Variants in VAC14 observed in about 807,000 individuals in gnomAD.
VAC14 encodes VAC14 component of PIKFYVE complex, also known as protein VAC14 homolog.
A neutral mutation model predicts 85.3 loss-of-function variants in VAC14; 47 were observed. That is an observed-to-expected ratio of 0.55 (90% CI 0.44 to 0.70). The LOEUF is 0.70. Ranked by LOEUF, VAC14 falls within the 30% of genes least tolerant of loss-of-function variation. The pLI, the probability that VAC14 is intolerant of heterozygous loss-of-function variation, is 0.00. For missense variants in VAC14, 861 were observed against 1,004.3 expected (o/e 0.86, Z 1.93); for synonymous variants, 447 against 430.5 (o/e 1.04, Z -0.47).
intron 14 of VAC14, among the ~76,000 whole-genome samples, chr16:70,704,740 C>T (rs1261387283): frequency 3.3e-5 from 5 of 152,202 alleles, no homozygotes; most frequent in Non-Finnish European, 7.4e-5. Flanking sequence ...GGAGCCCGCT[C>T]GGGAGGAGCT....
In VAC14 at chr16:70,763,020, T is replaced by C; in HGVS notation, c.1166A>G (p.Glu389Gly). The stretch of plus-strand genomic sequence containing the variant: ...GAGGTGAAGGGTCACTGGGGCTCTT[T>C]CAGTGCTGTGGGTAAGATCGGGAGG... ...GISVFTAAST[E>G]RAPVTLHLDG... Residue 389 changes from glutamate (E) to glycine (G), a missense_variant, in exon 11 of 19, where the codon GAA (glutamate) becomes GGA (glycine). This residue lies in a region of VAC14 where 629 missense variants were observed against 703.1 expected (regional missense o/e 0.89). Transcript: ENST00000261776. 1 of 1,614,228 alleles carries C rather than the reference T, an allele frequency of 6.2e-7. No individual in the cohort carries two copies. The highest frequency in any genetic ancestry group is 8.5e-7 in the Non-Finnish European group (1 of 1,180,038).
intron 12 of VAC14, among the ~76,000 whole-genome samples, chr16:70,752,694 C>T (rs369669866): frequency 1.3e-5 from 2 of 152,222 alleles, no homozygotes; most frequent in Non-Finnish European, 2.9e-5. Context: ...GCACAGTCCC[C>T]GAGCGAAGGA....
At chr16:70,800,649 T>G (rs139216086) in intron 1 of VAC14, 148 bp downstream of exon 1, 2 of 634,130 alleles carry the variant, frequency 3.2e-6, no homozygotes, top group Non-Finnish European at 5.3e-6. Context: ...CTCCCAGATA[T>G]GGCTCCCAAT....
intron 12 of VAC14, among the ~76,000 whole-genome samples, chr16:70,746,346 C>G (rs1316283976): frequency 1.3e-5 from 2 of 152,252 alleles, no homozygotes; most frequent in Non-Finnish European, 1.5e-5. Flanking sequence ...CAATTCTGTC[C>G]TTCCCTTCAT....
chr16:70,764,006 C>T (rs976342916), intron 10 of VAC14, among the ~76,000 whole-genome samples: 5 of 152,206 alleles, frequency 3.3e-5, no homozygotes, highest in African/African-American at 9.7e-5. Context: ...CCAGGGGTTG[C>T]ATTTTCTAAG....
intron 13 of VAC14, among the ~76,000 whole-genome samples, chr16:70,733,795 A>T (rs1401664019): frequency 6.6e-6 from 1 of 152,086 alleles, no homozygotes; most frequent in African/African-American, 2.4e-5. Flanking sequence ...AAATCTCTTT[A>T]TAAATTACCT....
rs1346021707 is a variant in VAC14 at position 70,783,371 on chromosome 16, C to G, written c.704+74G>C. On this transcript the variant is annotated intron_variant, in intron 6 of 18. Transcript: ENST00000261776. ...TTCCTGCCCTCCTGCCGCGGCCTCT[C>G]TGTGGGCATGAAGCACATGGGCACA... 6.7e-6 allele frequency: 10 copies of G among 1,488,892 alleles called. No individual in the cohort carries two copies. In the Admixed American group the frequency reaches 1.3e-4, roughly 20 times the overall value. The allele number at this position is 1,488,892 out of a possible 1,614,324, so 92.2% of individuals were successfully genotyped here.
chr16:70,778,932 G>C (rs762841294), intron 9 of VAC14: 1 of 152,146 alleles, frequency 6.6e-6, no homozygotes, highest in Non-Finnish European at 1.5e-5. Context: ...GTTTCTCCCA[G>C]TAAAAAAAGC....
chr16:70,787,359 G>GGGTA (rs1293950105), intron 1 of VAC14, among the ~76,000 whole-genome samples: 3 of 152,180 alleles, frequency 2.0e-5, no homozygotes, highest in African/African-American at 7.2e-5. Flanking sequence ...GAGGAGGGTA[G>GGGTA]GGTAGACAGT....
In VAC14 at chr16:70,744,539, G is replaced by A; in HGVS notation, c.1412C>T (p.Ser471Phe). 1 of 1,610,544 alleles carries A rather than the reference G, an allele frequency of 6.2e-7. No individual in the cohort carries two copies. Among genetic ancestry groups the A allele is most frequent in the Non-Finnish European group, 8.5e-7 (1 of 1,178,736 alleles). ...KDLEVLAEIA[S>F]SPAGQTDDPG... ...GTCATCCGTCTGGCCTGCGGGGGAG[G>A]AAGCGATTTCTGCCAGCACCTCCAG... is the stretch of plus-strand genomic sequence containing the variant. The change falls in exon 13 of 19, where the codon TCC becomes TTC. Residue 471 changes from serine (S) to phenylalanine (F), a missense_variant. Around this residue, in one of 3 missense-constraint regions of VAC14, gnomAD observed 629 missense variants for 703.1 expected, o/e 0.89. Coordinates refer to ENST00000261776, the MANE Select transcript of VAC14 (RefSeq NM_018052.5).
At chr16:70,752,578 G>A (rs1274596142) in intron 12 of VAC14, among the ~76,000 whole-genome samples, 1 of 152,252 alleles carries the variant, frequency 6.6e-6, no homozygotes, top group Non-Finnish European at 1.5e-5. Flanking sequence ...ACTCATACCC[G>A]CTATGGCTCT....
At position 70,762,373 on chromosome 16, in the gene VAC14, GC is replaced by G. The variant is rs1393105458; in HGVS notation, c.1371+166del. On this transcript the variant is annotated intron_variant, in intron 12 of 18. Coordinates refer to ENST00000261776, the MANE Select transcript of VAC14 (RefSeq NM_018052.5). The surrounding 1 kb of genome is among the most constrained non-coding windows in gnomAD (Gnocchi z 4.1). ...TCCACCCACCTTGGCCTCCCAGAGT[GC>G]TGGAAAAACAGGTGTGAGCCACTGC... is the stretch of plus-strand genomic sequence containing the variant. Among the ~76,000 whole-genome samples the G allele has an allele frequency of 6.6e-6, 1 of 152,144 alleles. No individual in the cohort carries two copies. The highest frequency in any genetic ancestry group is 1.5e-5 in the Non-Finnish European group (1 of 68,030).
At chr16:70,708,826 G>A (rs2053972202) in intron 14 of VAC14, among the ~76,000 whole-genome samples, 1 of 152,238 alleles carries the variant, frequency 6.6e-6, no homozygotes, top group East Asian at 1.9e-4. Flanking sequence ...AGGGGCAAGA[G>A]TGCGGCCGGT....
intron 10 of VAC14, among the ~76,000 whole-genome samples, chr16:70,763,406 G>A (rs77573846): frequency 0.012 from 1,765 of 152,326 alleles, 32 homozygotes; most frequent in African/African-American, 0.04. Context: ...CCCAGTCACT[G>A]AGCTGACCTG....
chr16:70,720,777 G>T (rs200654777), intron 14 of VAC14, among the ~76,000 whole-genome samples: 2 of 152,238 alleles, frequency 1.3e-5, no homozygotes, highest in Non-Finnish European at 2.9e-5. Flanking sequence ...GCCCCATGTT[G>T]GGGCTATCCG....
At chr16:70,702,780 G>C (rs1279125547) in intron 14 of VAC14, among the ~76,000 whole-genome samples, 1 of 152,146 alleles carries the variant, frequency 6.6e-6, no homozygotes, top group East Asian at 1.9e-4. Flanking sequence ...GAGGAAAGAG[G>C]GCCCATTTTC....
chr16:70,742,634 C>G (rs76152876), intron 13 of VAC14, among the ~76,000 whole-genome samples: 1,827 of 152,358 alleles, frequency 0.012, 25 homozygotes, highest in African/African-American at 0.03. Context: ...TCTATGACTT[C>G]ACCTGGCATG....
chr16:70,707,255 A>G (rs1341148876), intron 14 of VAC14, among the ~76,000 whole-genome samples: 2 of 152,266 alleles, frequency 1.3e-5, no homozygotes, highest in Non-Finnish European at 2.9e-5. Flanking sequence ...AAAGGCAGCC[A>G]TGGTAACCCT....
At chr16:70,688,363 C>G in intron 18 of VAC14, 1 of 1,119,162 alleles carries the variant, frequency 8.9e-7, no homozygotes, top group South Asian at 4.4e-5. Context: ...GAGCAGGCAT[C>G]GCATTGGGAA....
Sources: gnomAD v4.1 joint callset for allele counts (sites outside exome capture counted in the v4.1 genomes callset) on GRCh38, gnomAD v4.1.1 for gene constraint, gnomAD v4.1.1 regional missense constraint, Gnocchi (gnomAD v3.1) non-coding constraint, MANE v1.5 for transcripts, NCBI Gene and HGNC (gene_info 2026-07-23, HGNC 2026-07-21) for gene names.